The following ENAH variants were observed in gnomAD, a reference collection of about 807,000 sequenced individuals.
ENAH encodes ENAH actin regulator.
ENAH carries 23 observed loss-of-function variants against 78.7 expected under a neutral mutation model. The observed-to-expected ratio is 0.29, with a 90% CI of 0.21 to 0.41. The LOEUF (loss-of-function observed/expected upper bound fraction) is 0.41, where lower values mean the gene tolerates loss of function less well. Ranked by LOEUF, ENAH falls within the 10% of genes least tolerant of loss-of-function variation. The probability of loss-of-function intolerance (pLI) is 1.00; values close to 1 mark genes in which losing one functional copy is unlikely to be tolerated. For missense variants in ENAH, 544 were observed against 691.0 expected, an observed-to-expected ratio of 0.79 and a Z score of 2.39; for synonymous variants, 226 against 241.0, an observed-to-expected ratio of 0.94 and a Z score of 0.58.
At chr1:225,561,666 T>C (rs1027387352) in intron 2 of ENAH, among the ~76,000 whole-genome samples, 4 of 34,010 alleles carry the variant, frequency 1.2e-4, no homozygotes, top group Non-Finnish European at 2.2e-4. Context: ...AAAATTAGTA[T>C]GTTCACTTAA....
intron 5 of ENAH, chr1:225,518,048 G>T: frequency 6.9e-7 from 1 of 1,439,396 alleles, no homozygotes; most frequent in Non-Finnish European, 9.2e-7. Flanking sequence ...GAGAGAAAAA[G>T]GGAGCTAGTG....
chr1:225,590,244 G>C (rs2096869024), intron 1 of ENAH, among the ~76,000 whole-genome samples: 1 of 152,126 alleles, frequency 6.6e-6, no homozygotes, highest in Non-Finnish European at 1.5e-5. Context: ...AGCACTTTGG[G>C]AGACCGAATC....
At chr1:225,617,831 T>C (rs1173546659) in intron 1 of ENAH, among the ~76,000 whole-genome samples, 1 of 152,166 alleles carries the variant, frequency 6.6e-6, no homozygotes, top group East Asian at 1.9e-4. Flanking sequence ...CTTAAGTCTC[T>C]CCCCTTACCA....
chr1:225,607,514 G>GGA (rs2096962672), intron 1 of ENAH, among the ~76,000 whole-genome samples: 2 of 112,240 alleles, frequency 1.8e-5, no homozygotes, highest in Admixed American at 8.9e-5. Flanking sequence ...AGGGTGGGGG[G>GGA]CAAAAAAAAA....
In ENAH at chr1:225,492,149, A is replaced by G. The variant is rs1478411809; in HGVS notation, c.*5626T>C. 3.3e-5 allele frequency: 5 copies of G among 150,414 alleles called. No individual in the cohort carries two copies. Among genetic ancestry groups the G allele is most frequent in the East Asian group, 2.0e-4 (1 of 5,124 alleles). 9.3% of individuals were successfully genotyped at this position (150,414 alleles called of 1,614,324 possible). The stretch of plus-strand genomic sequence containing the variant: ...ACCCAGGCTGGAGTACAGTGGCATG[A>G]TAACGGCTCACTGCAGCCGCGTCCT... On this transcript the variant is annotated 3_prime_UTR_variant, in exon 14 of 14. Coordinates refer to ENST00000366843, the MANE Select transcript of ENAH (RefSeq NM_018212.6).
At chr1:225,589,827 T>C (rs1164280958) in intron 1 of ENAH, among the ~76,000 whole-genome samples, 1 of 152,142 alleles carries the variant, frequency 6.6e-6, no homozygotes, top group Admixed American at 6.6e-5. Flanking sequence ...CCATTCTGTA[T>C]TCTTGAAATT....
intron 10 of ENAH, among the ~76,000 whole-genome samples, chr1:225,510,669 A>G (rs1483525864): frequency 2.0e-5 from 3 of 151,394 alleles, no homozygotes; most frequent in African/African-American, 7.3e-5. Flanking sequence ...GATGGATTAC[A>G]ATCACAAAAA....
intron 1 of ENAH, among the ~76,000 whole-genome samples, chr1:225,645,005 T>G (rs1053519467): frequency 1.3e-5 from 2 of 152,160 alleles, no homozygotes; most frequent in Non-Finnish European, 2.9e-5. Flanking sequence ...TGGCTGGCTG[T>G]CTCCTTAGCA....
intron 4 of ENAH, chr1:225,524,771 A>T: frequency 7.6e-6 from 4 of 528,218 alleles, no homozygotes; most frequent in African/African-American, 2.1e-5. Context: ...ATAGATATTA[A>T]CTATATTAAG....
At chr1:225,539,870 G>T (rs1359603939) in intron 3 of ENAH, among the ~76,000 whole-genome samples, 2 of 152,166 alleles carry the variant, frequency 1.3e-5, no homozygotes, top group African/African-American at 2.4e-5. Flanking sequence ...CTTTCTGGCA[G>T]TCAACACTCA....
intron 4 of ENAH, among the ~76,000 whole-genome samples, chr1:225,523,716 A>C (rs2096486251): frequency 6.6e-6 from 1 of 152,190 alleles, no homozygotes; most frequent in Non-Finnish European, 1.5e-5. Flanking sequence ...ATTCCCACCT[A>C]AATTGGATGG....
chr1:225,567,172 T>C, intron 2 of ENAH, 77 bp downstream of exon 2: 2 of 1,492,366 alleles, frequency 1.3e-6, no homozygotes, highest in South Asian at 1.3e-5. Flanking sequence ...GTTTTAAAAC[T>C]ACTTTATTTT....
At chr1:225,564,705 G>A (rs1012611188) in intron 2 of ENAH, among the ~76,000 whole-genome samples, 2 of 152,052 alleles carry the variant, frequency 1.3e-5, no homozygotes, top group Non-Finnish European at 2.9e-5. Context: ...CCAAAAAGCT[G>A]GGATTACAGG....
chr1:225,645,343 C>G (rs1035664161), intron 1 of ENAH, among the ~76,000 whole-genome samples: 3 of 152,200 alleles, frequency 2.0e-5, no homozygotes, highest in African/African-American at 7.2e-5. Flanking sequence ...ATGCTTCCAT[C>G]TACGCTGTGG....
intron 1 of ENAH, among the ~76,000 whole-genome samples, chr1:225,588,633 C>G (rs755112099): frequency 6.6e-6 from 1 of 151,958 alleles, no homozygotes; most frequent in Non-Finnish European, 1.5e-5. Context: ...CACGGTGAAA[C>G]GCCGTCTCGA....
intron 3 of ENAH, among the ~76,000 whole-genome samples, chr1:225,538,726 ATTAT>A (rs1395084167): frequency 6.6e-6 from 1 of 152,168 alleles, no homozygotes; most frequent in African/African-American, 2.4e-5. Flanking sequence ...TTGCTGAAAA[ATTAT>A]TTGTCTGCAC....
chr1:225,635,592 C>CA (rs1193275128), intron 1 of ENAH, among the ~76,000 whole-genome samples: 2 of 152,154 alleles, frequency 1.3e-5, no homozygotes, highest in Non-Finnish European at 2.9e-5. Context: ...GGTCCATACT[C>CA]AAAGAGGAAA....
intron 1 of ENAH, among the ~76,000 whole-genome samples, chr1:225,639,059 C>T (rs1660562733): frequency 6.6e-6 from 1 of 152,248 alleles, no homozygotes; most frequent in East Asian, 1.9e-4. Flanking sequence ...ATTTCAATTA[C>T]AAAGCAACAC....
At chr1:225,651,405 A>AG (rs1051513522) in intron 1 of ENAH, among the ~76,000 whole-genome samples, 2 of 152,200 alleles carry the variant, frequency 1.3e-5, no homozygotes, top group Admixed American at 6.5e-5. Context: ...GAAAAAAAAA[A>AG]TGAAAAGCAA....
Sources: allele counts gnomAD v4.1 joint callset (sites outside exome capture counted in the v4.1 genomes callset), GRCh38; gene constraint gnomAD v4.1.1; transcripts MANE v1.5; gene names NCBI Gene and HGNC (gene_info 2026-07-23, HGNC 2026-07-21).